KLHL2: variants seen among roughly 807,000 people sequenced by gnomAD.
KLHL2 encodes kelch-like protein 2.
KLHL2 carries 15 observed loss-of-function variants against 75.8 expected under a neutral mutation model. The observed-to-expected ratio is 0.20, with a 90% CI of 0.13 to 0.30. The LOEUF is 0.30. KLHL2 is among the 10% of genes least tolerant of loss of function. The pLI, the probability that KLHL2 is intolerant of heterozygous loss-of-function variation, is 1.00. For missense variants in KLHL2, 381 were observed against 741.0 expected (o/e 0.51, Z 5.64); for synonymous variants, 214 against 251.9 (o/e 0.85, Z 1.42).
intron 1 of KLHL2, chr4:165,210,310 C>A: frequency 1.1e-6 from 1 of 934,128 alleles, no homozygotes; most frequent in South Asian, 1.4e-5. Context: ...CAGATCCCAC[C>A]TTGTTCTCCA....
intron 2 of KLHL2, among the ~76,000 whole-genome samples, chr4:165,220,903 T>C (rs1737935219): frequency 6.6e-6 from 1 of 152,144 alleles, no homozygotes; most frequent in Non-Finnish European, 1.5e-5. Flanking sequence ...AAGGGTAATA[T>C]ATGTATTAAG....
chr4:165,309,088 G>T lies in KLHL2; in HGVS notation c.1040-1465G>T, dbSNP rs577224097. 1.2e-3 allele frequency among the ~76,000 whole-genome samples: 184 copies of T among 152,190 alleles called. 1 individual carries two copies. The highest frequency in any genetic ancestry group is 1.8e-3 in the Non-Finnish European group (121 of 68,036). ...CCAGTTCTCCCTACAGGGATTCAGA[G>T]AACTGTGAGCCACATTGCCTGCCCT... is the stretch of plus-strand genomic sequence containing the variant. On this transcript the variant is annotated intron_variant, in intron 9 of 14. Coordinates refer to ENST00000226725, the MANE Select transcript of KLHL2 (RefSeq NM_007246.4).
chr4:165,225,453 A>G (rs540549150), intron 2 of KLHL2, among the ~76,000 whole-genome samples: 11 of 152,376 alleles, frequency 7.2e-5, no homozygotes, highest in Admixed American at 2.0e-4. Flanking sequence ...TTTGCTAAAT[A>G]ACAACTTATT....
At chr4:165,263,926 C>G (rs921973246) in intron 5 of KLHL2, among the ~76,000 whole-genome samples, 1 of 149,974 alleles carries the variant, frequency 6.7e-6, no homozygotes, top group African/African-American at 2.5e-5. Flanking sequence ...ATAGAAGCAG[C>G]CCACTCCTTG....
At chr4:165,232,994 A>G (rs1489230027) in intron 3 of KLHL2, among the ~76,000 whole-genome samples, 1 of 145,694 alleles carries the variant, frequency 6.9e-6, no homozygotes, top group African/African-American at 2.6e-5. Flanking sequence ...TTGCTCAGGG[A>G]CAGGGAGTTT....
At chr4:165,263,805 G>GTTTTTTTTTTTTTTTTTTTTT in intron 5 of KLHL2, among the ~76,000 whole-genome samples, 1 of 66,482 alleles carries the variant, frequency 1.5e-5, no homozygotes, top group Non-Finnish European at 2.7e-5. Context: ...TTTTTACATT[G>GTTTTTTTTTTTTTTTTTTTTT]TTTTTTTTTT....
chr4:165,239,032 A>G (rs929083793), intron 4 of KLHL2, 133 bp downstream of exon 4: 195 of 1,402,462 alleles, frequency 1.4e-4, no homozygotes, highest in Non-Finnish European at 1.7e-4. Context: ...TCTAAAAAAT[A>G]TTTGGAATGA....
intron 5 of KLHL2, among the ~76,000 whole-genome samples, chr4:165,266,681 C>G (rs1235123014): frequency 6.6e-6 from 1 of 152,028 alleles, no homozygotes; most frequent in African/African-American, 2.4e-5. Context: ...TGGTCTATAT[C>G]TCTGTTTTGG....
intron 8 of KLHL2, among the ~76,000 whole-genome samples, chr4:165,302,006 T>G (rs941613246): frequency 6.6e-5 from 10 of 152,244 alleles, no homozygotes; most frequent in African/African-American, 2.4e-4. Flanking sequence ...GTTGTGGTTT[T>G]GGAGTAGGAC....
At position 165,263,200 on chromosome 4, in the gene KLHL2, C is replaced by G; in HGVS notation, c.385C>G (p.Leu129Val). 1.2e-6 allele frequency: 2 copies of G among 1,613,708 alleles called. No individual in the cohort carries two copies. The highest frequency in any genetic ancestry group is 1.7e-6 in the Non-Finnish European group (2 of 1,179,720). The stretch of plus-strand genomic sequence containing the variant: ...AATATTGATGTGTGTGTTGCAGGTA[C>G]TTCTCCCAGCAGCTGGTCTCTTACA... ...IQVTEENVQV[L>V]LPAAGLLQLQ... Residue 129 changes from leucine (L) to valine (V), a missense_variant, in exon 5 of 15, where the codon CTT (leucine) becomes GTT (valine). By Grantham distance (32) the Leu-to-Val change is conservative. Transcript: ENST00000226725.
At chr4:165,286,743 T>C (rs1439186183) in intron 5 of KLHL2, among the ~76,000 whole-genome samples, 4 of 152,202 alleles carry the variant, frequency 2.6e-5, no homozygotes, top group African/African-American at 9.7e-5. Flanking sequence ...TTGAGAAGTC[T>C]GGTGTGGAGG....
Position 165,272,560 on chromosome 4 carries a change from A to G in KLHL2, c.544+9201A>G, listed in dbSNP as rs568519701. ...TGGGCTGCCAGTTTTCTCTATAGTGATTGATAAATGTTACTGACTGCTAAT... is the reference window on the plus strand; with the variant it reads ...TGGGCTGCCAGTTTTCTCTATAGTGGTTGATAAATGTTACTGACTGCTAAT... On this transcript the variant is annotated intron_variant, in intron 5 of 14. Coordinates refer to ENST00000226725, the MANE Select transcript of KLHL2 (RefSeq NM_007246.4). Among the ~76,000 whole-genome samples the G allele has an allele frequency of 1.1e-4, 17 of 152,254 alleles. No homozygotes were observed. In the South Asian group the frequency reaches 3.5e-3, roughly 32 times the overall value.
At chr4:165,269,903 C>A (rs2126330428) in intron 5 of KLHL2, among the ~76,000 whole-genome samples, 1 of 152,248 alleles carries the variant, frequency 6.6e-6, no homozygotes, top group South Asian at 2.1e-4. Flanking sequence ...GGATAATATC[C>A]TGAAGAGTGT....
At chr4:165,274,523 G>A (rs953030676) in intron 5 of KLHL2, among the ~76,000 whole-genome samples, 4 of 151,700 alleles carry the variant, frequency 2.6e-5, no homozygotes, top group Admixed American at 6.6e-5. Context: ...GCAGGTGAAT[G>A]GCCTGAACCC....
chr4:165,294,244 A>T (rs545991582), intron 5 of KLHL2, 115 bp from the exon 6 acceptor site: 1 of 624,830 alleles, frequency 1.6e-6, no homozygotes, highest in Admixed American at 2.7e-5. Context: ...GAGGTGTGCA[A>T]TTGGTTTTCT....
At chr4:165,226,473 G>GC (rs1266656309) in intron 2 of KLHL2, among the ~76,000 whole-genome samples, 3 of 152,052 alleles carry the variant, frequency 2.0e-5, no homozygotes, top group Non-Finnish European at 4.4e-5. Context: ...TTTAAATGCA[G>GC]CCCCCCACCC....
rs564095180 is a variant in KLHL2, at chr4:165,257,936, G to A, written c.382-5261G>A. Among the ~76,000 whole-genome samples, 10 of 151,960 alleles carry A rather than the reference G, an allele frequency of 6.6e-5. No homozygotes were observed. In the South Asian group the frequency reaches 1.0e-3, roughly 16 times the overall value. ...GAAATGGAGCAGTGCTGTTAGTAGT[G>A]ACTTGAAAGGGACTGAGCCCATGGT... On this transcript the variant is annotated intron_variant, in intron 4 of 14. Coordinates refer to ENST00000226725, the MANE Select transcript of KLHL2 (RefSeq NM_007246.4).
At chr4:165,310,783 C>A (rs1294163640) in intron 10 of KLHL2, 33 bp downstream of exon 10, 2 of 1,506,246 alleles carry the variant, frequency 1.3e-6, no homozygotes, top group Admixed American at 1.7e-5. Flanking sequence ...TACATTGCTG[C>A]TAAAATTAAC....
intron 1 of KLHL2, among the ~76,000 whole-genome samples, chr4:165,215,937 T>C (rs1302544613): frequency 6.6e-6 from 1 of 152,148 alleles, no homozygotes; most frequent in Non-Finnish European, 1.5e-5. Flanking sequence ...TGTGTGACTC[T>C]TCATGTGAGA....
Sources: allele counts gnomAD v4.1 joint callset (sites outside exome capture counted in the v4.1 genomes callset), GRCh38; gene constraint gnomAD v4.1.1; transcripts MANE v1.5; gene names NCBI Gene and HGNC (gene_info 2026-07-23, HGNC 2026-07-21).